The following SMAP2 variants were observed in gnomAD, a reference collection of about 807,000 sequenced individuals.
The protein encoded by SMAP2 is small ArfGAP2.
A neutral mutation model predicts 56.4 loss-of-function variants in SMAP2; 25 were observed. That is an observed-to-expected ratio of 0.44 (90% confidence interval 0.32 to 0.62). SMAP2 has a LOEUF of 0.62. Ranked by LOEUF, SMAP2 falls within the 20% of genes least tolerant of loss-of-function variation. SMAP2 has a pLI of 0.04. For missense variants in SMAP2, 388 were observed against 545.6 expected (o/e 0.71, Z 2.88); for synonymous variants, 157 against 181.7 (o/e 0.86, Z 1.09).
chr1:40,402,614 T>C (rs936701004), intron 1 of SMAP2, among the ~76,000 whole-genome samples: 3 of 152,108 alleles, frequency 2.0e-5, no homozygotes, highest in African/African-American at 7.2e-5. Flanking sequence ...CATGCCTGGC[T>C]AATTTTTTGT....
At chr1:40,380,135 T>C (rs760651931) in intron 1 of SMAP2, among the ~76,000 whole-genome samples, 6 of 152,238 alleles carry the variant, frequency 3.9e-5, no homozygotes, top group Non-Finnish European at 7.3e-5. Context: ...TTAATCTTGA[T>C]TTTATTAGTT....
chr1:40,379,536 G>C (rs1055186448), intron 1 of SMAP2, among the ~76,000 whole-genome samples: 2 of 148,260 alleles, frequency 1.3e-5, no homozygotes, highest in African/African-American at 5.0e-5. Context: ...TAAATGATTT[G>C]GAAGACACTG....
chr1:40,374,592 CGTGCGTGT>C lies in SMAP2; in HGVS notation c.103+373_103+380del, dbSNP rs1229799062. The C allele has an allele frequency of 4.6e-6, 6 of 1,302,272 alleles. No individual in the cohort carries two copies. The highest frequency in any genetic ancestry group is 2.3e-5 in the Admixed American group (1 of 42,792). The allele number at this position is 1,302,272 out of a possible 1,614,324, so 80.7% of individuals were successfully genotyped here. A position where few individuals can be genotyped will look rare whatever the true frequency, so the allele number is the denominator to read the frequency against. On this transcript the variant is annotated intron_variant, in intron 1 of 9. Transcript: ENST00000372718. The surrounding 1 kb of genome is among the most constrained non-coding windows in gnomAD (Gnocchi z 5.9). ...ATGAACTGCATTGCGTGCGTGCGTG[CGTGCGTGT>C]GTGTGTGTGTGTGTGTGTGTGTGTG...
intron 1 of SMAP2, among the ~76,000 whole-genome samples, chr1:40,399,921 G>A (rs944017007): frequency 2.0e-5 from 3 of 152,176 alleles, no homozygotes; most frequent in Non-Finnish European, 2.9e-5. Flanking sequence ...GCTAGGAGTT[G>A]ATAATTGCTG....
At chr1:40,397,515 C>T (rs181561996) in intron 1 of SMAP2, among the ~76,000 whole-genome samples, 1 of 152,160 alleles carries the variant, frequency 6.6e-6, no homozygotes, top group African/African-American at 2.4e-5. Context: ...TTACAGCTAT[C>T]CTTTAAGGCA....
intron 1 of SMAP2, chr1:40,393,402 A>G: frequency 1.3e-6 from 2 of 1,535,690 alleles, no homozygotes; most frequent in Non-Finnish European, 1.7e-6. Flanking sequence ...TGGAATAGGA[A>G]GGAGAAAAGG....
chr1:40,353,544 A>G (rs1447877057), intron 1 of SMAP2, among the ~76,000 whole-genome samples: 2 of 151,586 alleles, frequency 1.3e-5, no homozygotes, highest in East Asian at 1.9e-4. Context: ...AATTTTTTGT[A>G]TTTTTAGTAG....
chr1:40,422,805 CT>C lies in SMAP2; in HGVS notation c.*705del, dbSNP rs1645056170. On this transcript the variant is annotated 3_prime_UTR_variant, in exon 10 of 10. Transcript: ENST00000372718. ...ACACACATCCCTTCCCGCCTCCCCC[CT>C]GCCTTCAGTAGGATCTGGCTCCGTG... is the stretch of plus-strand genomic sequence containing the variant. The C allele has an allele frequency of 6.5e-6, 1 of 152,974 alleles. No homozygotes were observed. The highest frequency in any genetic ancestry group is 1.5e-5 in the Non-Finnish European group (1 of 68,660). 9.5% of individuals were successfully genotyped at this position (152,974 alleles called of 1,614,324 possible). A position where few individuals can be genotyped will look rare whatever the true frequency, so the allele number is the denominator to read the frequency against.
intron 1 of SMAP2, among the ~76,000 whole-genome samples, chr1:40,397,675 A>G (rs962119640): frequency 5.3e-5 from 8 of 152,268 alleles, no homozygotes; most frequent in African/African-American, 1.9e-4. Context: ...ATGAAGGAAC[A>G]TGGTCATTGC....
At chr1:40,396,813 A>G in intron 1 of SMAP2, 1 of 984,752 alleles carries the variant, frequency 1.0e-6, no homozygotes, top group Non-Finnish European at 1.2e-6. Context: ...CAATTTTTCC[A>G]AGATCCCACT....
At chr1:40,389,928 C>T (rs1356363364) in intron 1 of SMAP2, among the ~76,000 whole-genome samples, 3 of 150,550 alleles carry the variant, frequency 2.0e-5, no homozygotes, top group African/African-American at 7.4e-5. Context: ...CTCCCCCGCC[C>T]ACCCCCAGAC....
intron 1 of SMAP2, among the ~76,000 whole-genome samples, chr1:40,354,039 T>A (rs907231265): frequency 2.0e-5 from 3 of 152,162 alleles, no homozygotes; most frequent in African/African-American, 7.2e-5. Flanking sequence ...GATGGCCTTG[T>A]CCAGAAGCTG....
At chr1:40,410,107 G>A (rs1644920409) in intron 4 of SMAP2, among the ~76,000 whole-genome samples, 1 of 151,790 alleles carries the variant, frequency 6.6e-6, no homozygotes, top group South Asian at 2.1e-4. Context: ...GCCAGGCATG[G>A]TGGTATACAT....
At chr1:40,367,708 G>T (rs1175292022) in intron 2 of SMAP2, among the ~76,000 whole-genome samples, 1 of 144,850 alleles carries the variant, frequency 6.9e-6, no homozygotes, top group African/African-American at 2.6e-5. Flanking sequence ...AAAGCAGTGT[G>T]TAGAGGGAAA....
intron 9 of SMAP2, among the ~76,000 whole-genome samples, chr1:40,421,690 GA>G (rs1454712436): frequency 6.6e-6 from 1 of 152,184 alleles, no homozygotes; most frequent in Non-Finnish European, 1.5e-5. Context: ...AAAGGAAAAA[GA>G]GAGGAACTCA....
chr1:40,406,523 G>A (rs209600), intron 1 of SMAP2, among the ~76,000 whole-genome samples: 137,221 of 152,232 alleles, frequency 0.9, 62,014 homozygotes, highest in East Asian at 0.97. Flanking sequence ...TTGCACAACT[G>A]TGTGAATATA....
chr1:40,398,040 T>A (rs1181234402), intron 1 of SMAP2, among the ~76,000 whole-genome samples: 1 of 152,192 alleles, frequency 6.6e-6, no homozygotes, highest in Non-Finnish European at 1.5e-5. Flanking sequence ...CCCTGGATGC[T>A]TACGTTGTTT....
intron 1 of SMAP2, among the ~76,000 whole-genome samples, chr1:40,345,194 A>G (rs978414834): frequency 1.3e-5 from 2 of 152,060 alleles, no homozygotes; most frequent in African/African-American, 4.8e-5. Context: ...ACTTGAGACC[A>G]GGAGTTTGAC....
chr1:40,410,415 T>C (rs1644923477), intron 4 of SMAP2, among the ~76,000 whole-genome samples: 1 of 151,682 alleles, frequency 6.6e-6, no homozygotes. Flanking sequence ...TTGCATATAC[T>C]AGATCAAATA....
Sources: gnomAD v4.1 joint callset for allele counts (sites outside exome capture counted in the v4.1 genomes callset) on GRCh38, gnomAD v4.1.1 for gene constraint, Gnocchi (gnomAD v3.1) non-coding constraint, MANE v1.5 for transcripts, NCBI Gene and HGNC (gene_info 2026-07-23, HGNC 2026-07-21) for gene names.